Variants in PPIG observed in about 807,000 individuals in gnomAD.
PPIG encodes the protein peptidylprolyl isomerase G.
In PPIG, 26 loss-of-function variants were observed where a neutral mutation model predicts 87.9. That is an observed-to-expected ratio of 0.30 (90% CI 0.22 to 0.41). PPIG has a LOEUF of 0.41. Ranked by LOEUF, PPIG falls within the 10% of genes least tolerant of loss-of-function variation. The pLI, the probability that PPIG is intolerant of heterozygous loss-of-function variation, is 1.00. For synonymous variants in PPIG, 308 were observed against 276.5 expected (o/e 1.11, Z -1.13); for missense variants, 722 against 879.4 (o/e 0.82, Z 2.26).
chr2:169,610,309 C>T (rs889254820), intron 7 of PPIG, among the ~76,000 whole-genome samples: 1 of 152,146 alleles, frequency 6.6e-6, no homozygotes. Context: ...TTCACTATTT[C>T]TTTATCCTTA....
intron 7 of PPIG, among the ~76,000 whole-genome samples, chr2:169,610,944 G>A (rs1685470562): frequency 1.3e-5 from 2 of 152,172 alleles, no homozygotes; most frequent in South Asian, 4.1e-4. Context: ...AGTGGCTCAT[G>A]CCTGTAATCC....
intron 1 of PPIG, among the ~76,000 whole-genome samples, chr2:169,589,209 CT>C (rs150802026): frequency 1.4e-3 from 206 of 152,262 alleles, no homozygotes; most frequent in Non-Finnish European, 2.4e-3. Flanking sequence ...TGTCTATACT[CT>C]GCTAATCATG....
At chr2:169,615,109 C>T (rs190780043) in intron 9 of PPIG, among the ~76,000 whole-genome samples, 20 of 152,086 alleles carry the variant, frequency 1.3e-4, no homozygotes, top group African/African-American at 4.1e-4. Flanking sequence ...AGTGCAGTGG[C>T]ATGATCTTGG....
At chr2:169,604,747 G>A (rs7421113) in intron 4 of PPIG, among the ~76,000 whole-genome samples, 4,120 of 151,852 alleles carry the variant, frequency 0.027, 77 homozygotes, top group East Asian at 0.1. Context: ...GGTGGCGCAC[G>A]CCTGTAGTCC....
intron 11 of PPIG, 147 bp from the exon 12 acceptor site, chr2:169,633,013 T>C (rs991303085): frequency 4.7e-6 from 3 of 638,706 alleles, no homozygotes; most frequent in Non-Finnish European, 8.4e-6. Context: ...CCTGACCTCA[T>C]GATCCGCCCA....
chr2:169,635,622 G>A (rs191621996), intron 12 of PPIG, among the ~76,000 whole-genome samples: 134 of 152,014 alleles, frequency 8.8e-4, no homozygotes, highest in Non-Finnish European at 7.4e-5. Context: ...GGTTGAATAA[G>A]TGAACATCTA....
intron 4 of PPIG, among the ~76,000 whole-genome samples, chr2:169,605,381 TAGTCCC>T: frequency 6.6e-6 from 1 of 152,162 alleles, no homozygotes; most frequent in South Asian, 2.1e-4. Flanking sequence ...TGTGTGCCTG[TAGTCCC>T]AGCTACTCTG....
chr2:169,599,070 C>G (rs778306201), intron 1 of PPIG, among the ~76,000 whole-genome samples: 1 of 151,866 alleles, frequency 6.6e-6, no homozygotes, highest in Non-Finnish European at 1.5e-5. Context: ...AAAGTAAATT[C>G]CTAGAAGTGG....
chr2:169,586,391 C>T (rs1684706629), intron 1 of PPIG, among the ~76,000 whole-genome samples: 1 of 152,168 alleles, frequency 6.6e-6, no homozygotes, highest in Non-Finnish European at 1.5e-5. Flanking sequence ...CACCTACCTG[C>T]AAAATGACAT....
intron 9 of PPIG, among the ~76,000 whole-genome samples, chr2:169,621,943 T>A (rs72887849): frequency 0.031 from 908 of 28,902 alleles, 8 homozygotes; most frequent in African/African-American, 0.16. Context: ...AAAAAAAAAA[T>A]TTTTTTTTAA....
At chr2:169,632,072 A>C in intron 11 of PPIG, 139 bp downstream of exon 11, 1 of 1,208,880 alleles carries the variant, frequency 8.3e-7, no homozygotes, top group Non-Finnish European at 1.1e-6. Context: ...TCTTCCGCAA[A>C]GTTCTTTTTT....
At chr2:169,622,058 T>TA (rs894347218) in intron 9 of PPIG, among the ~76,000 whole-genome samples, 12 of 152,056 alleles carry the variant, frequency 7.9e-5, no homozygotes, top group Non-Finnish European at 1.0e-4. Context: ...GCCCCATCTC[T>TA]AAAAAATATA....
intron 1 of PPIG, among the ~76,000 whole-genome samples, chr2:169,603,293 A>G (rs1685233376): frequency 6.6e-6 from 1 of 152,158 alleles, no homozygotes; most frequent in Non-Finnish European, 1.5e-5. Context: ...TCCTTAAAAT[A>G]AAATGCCTTA....
At chr2:169,620,284 T>G (rs1685710568) in intron 9 of PPIG, among the ~76,000 whole-genome samples, 1 of 152,152 alleles carries the variant, frequency 6.6e-6, no homozygotes, top group African/African-American at 2.4e-5. Context: ...CTGATTTTAT[T>G]TTTTTACATG....
intron 6 of PPIG, 56 bp from the exon 7 acceptor site, chr2:169,608,615 G>A (rs79028989): frequency 0.04 from 45,993 of 1,160,112 alleles, 1,559 homozygotes; most frequent in East Asian, 0.2. Context: ...AAGTGAAGAT[G>A]AAATTTTTTT....
chr2:169,632,481 C>A (rs996537349), intron 11 of PPIG, among the ~76,000 whole-genome samples: 6 of 152,154 alleles, frequency 3.9e-5, no homozygotes, highest in Non-Finnish European at 8.8e-5. Context: ...GTGGCTCACG[C>A]CTGTAATCCC....
Position 169,636,217 on chromosome 2 carries a change from C to A in PPIG, c.1143C>A (p.Ile381=). Residue 381 remains isoleucine, a synonymous_variant, in exon 13 of 14, where the codon ATC becomes ATA. Coordinates refer to ENST00000260970, the MANE Select transcript of PPIG (RefSeq NM_004792.3). ...GGGTATCAAGTGGTGAAAGATGGAT[C>A]AAGGGGGATAAGTAAGATTTAACTA... ...RMRVSSGERW[I]KGDKSELNEI... 6.3e-7 allele frequency: 1 copy of A among 1,597,808 alleles called. No individual in the cohort carries two copies. Among genetic ancestry groups the A allele is most frequent in the Admixed American group, 1.8e-5 (1 of 54,716 alleles).
chr2:169,637,034 A>G lies in PPIG; in HGVS notation c.1776A>G (p.Arg592=). Residue 592 remains arginine, a synonymous_variant, in exon 14 of 14, where the codon AGA becomes AGG. Coordinates refer to ENST00000260970, the MANE Select transcript of PPIG (RefSeq NM_004792.3). The part of the protein sequence containing the change: ...RDRSRSKEYH[R]YREQEYRRRG... ...GCAGCAGAAGCAAGGAGTACCATAG[A>G]TACAGAGAACAGGAATACAGGAGAA... 1 of 1,613,920 alleles carries G rather than the reference A, an allele frequency of 6.2e-7. No homozygotes were observed. Among genetic ancestry groups the G allele is most frequent in the African/African-American group, 1.3e-5 (1 of 75,040 alleles).
chr2:169,626,515 C>G (rs1226740036), intron 9 of PPIG, among the ~76,000 whole-genome samples: 1 of 150,160 alleles, frequency 6.7e-6, no homozygotes, highest in Non-Finnish European at 1.5e-5. Flanking sequence ...CCTCAGCCTC[C>G]CGAGTAGCTG....
Sources: gnomAD v4.1 joint callset for allele counts (sites outside exome capture counted in the v4.1 genomes callset) on GRCh38, gnomAD v4.1.1 for gene constraint, MANE v1.5 for transcripts, NCBI Gene and HGNC (gene_info 2026-07-23, HGNC 2026-07-21) for gene names.